IL16: variants seen among roughly 807,000 people sequenced by gnomAD.
IL16 encodes interleukin 16.
A neutral mutation model predicts 110.1 loss-of-function variants in IL16; 67 were observed. That is an observed-to-expected ratio of 0.61 (90% confidence interval 0.50 to 0.75). The LOEUF (loss-of-function observed/expected upper bound fraction) is 0.75. Among genes scored for constraint, IL16 ranks in the 30% least tolerant of loss-of-function variants. IL16 has a pLI of 0.00. For synonymous variants in IL16, 689 were observed against 662.9 expected, an observed-to-expected ratio of 1.04 and a Z score of -0.61; for missense variants, 1,545 against 1,655.0, an observed-to-expected ratio of 0.93 and a Z score of 1.15.
intron 11 of IL16, chr15:81,292,332 T>C (rs1259452105): frequency 1.6e-6 from 1 of 623,446 alleles, no homozygotes; most frequent in Non-Finnish European, 2.9e-6. Flanking sequence ...TCCATATACA[T>C]CAGTCATAGG....
At position 81,311,110 on chromosome 15, in the gene IL16, G is replaced by A. The variant is rs1466050106; in HGVS notation, c.*2312G>A. The A allele has an allele frequency of 6.6e-6, 1 of 152,208 alleles. No individual in the cohort carries two copies. The highest frequency in any genetic ancestry group is 2.4e-5 in the African/African-American group (1 of 41,444). The allele number at this position is 152,208 out of a possible 1,614,324, so 9.4% of individuals were successfully genotyped here. ...CATCCATTTGCGTTCCATGATGCTG[G>A]GATTTACACTTGAGGCTTAGCTTTG... On this transcript the variant is annotated 3_prime_UTR_variant, in exon 19 of 19. Coordinates refer to ENST00000683961, the MANE Select transcript of IL16 (RefSeq NM_172217.5).
chr15:81,294,027 C>G (rs1347171408), intron 12 of IL16, among the ~76,000 whole-genome samples: 1 of 152,208 alleles, frequency 6.6e-6, no homozygotes, highest in African/African-American at 2.4e-5. Context: ...ACGGAATGGC[C>G]CTGCAGGGGC....
At chr15:81,289,141 TTTG>T (rs1213216396) in intron 10 of IL16, among the ~76,000 whole-genome samples, 1 of 152,106 alleles carries the variant, frequency 6.6e-6, no homozygotes, top group African/African-American at 2.4e-5. Context: ...TTGCCAATAC[TTTG>T]TTATTTTCTT....
At chr15:81,242,125 A>G (rs1369741355) in intron 2 of IL16, among the ~76,000 whole-genome samples, 1 of 152,152 alleles carries the variant, frequency 6.6e-6, no homozygotes, top group African/African-American at 2.4e-5. Context: ...AATATCACAC[A>G]GTGCTGAATT....
At chr15:81,279,026 C>T in intron 7 of IL16, 136 bp downstream of exon 7, 1 of 678,326 alleles carries the variant, frequency 1.5e-6, no homozygotes, top group South Asian at 1.7e-5. Flanking sequence ...GATCTTGGCG[C>T]AGGGTTAAAA....
At chr15:81,291,954 G>A (rs1567040043) in intron 11 of IL16, 1 of 455,984 alleles carries the variant, frequency 2.2e-6, no homozygotes, top group Non-Finnish European at 4.4e-6. Context: ...CCCCCAGGAA[G>A]CTGACTCTGA....
intron 1 of IL16, among the ~76,000 whole-genome samples, chr15:81,200,697 AAT>A (rs1895778093): frequency 1.3e-5 from 2 of 152,166 alleles, no homozygotes; most frequent in African/African-American, 4.8e-5. Context: ...AAGTTTCATA[AAT>A]AGTCCTGTAG....
chr15:81,273,928 C>T (rs776822349), intron 6 of IL16, among the ~76,000 whole-genome samples: 1 of 151,954 alleles, frequency 6.6e-6, no homozygotes, highest in Non-Finnish European at 1.5e-5. Flanking sequence ...GGGTTCCCCC[C>T]ACCCCCACCT....
intron 4 of IL16, 84 bp downstream of exon 4, chr15:81,265,885 C>A (rs148220843): frequency 1.5e-6 from 2 of 1,327,894 alleles, no homozygotes; most frequent in Non-Finnish European, 2.1e-6. Context: ...GCTGAAGAGG[C>A]CTTCCCAGTA....
intron 2 of IL16, among the ~76,000 whole-genome samples, chr15:81,228,467 C>A (rs1287277516): frequency 6.6e-6 from 1 of 151,962 alleles, no homozygotes; most frequent in Non-Finnish European, 1.5e-5. Flanking sequence ...ATTACAGGAG[C>A]CTGCCACTAC....
intron 3 of IL16, among the ~76,000 whole-genome samples, chr15:81,262,513 AT>A (rs1412895616): frequency 6.6e-6 from 1 of 152,062 alleles, no homozygotes; most frequent in African/African-American, 2.4e-5. Context: ...TGAATAGAGA[AT>A]TATTCTAGCA....
At chr15:81,293,176 C>T in intron 12 of IL16, 139 bp downstream of exon 12, 1 of 931,486 alleles carries the variant, frequency 1.1e-6, no homozygotes, top group South Asian at 1.7e-5. Flanking sequence ...TTGCCTAGGA[C>T]TCAGCTGAGG....
intron 1 of IL16, among the ~76,000 whole-genome samples, chr15:81,184,318 G>A (rs1425132458): frequency 1.3e-5 from 2 of 152,190 alleles, no homozygotes; most frequent in East Asian, 1.9e-4. Context: ...AGAGATTTGC[G>A]CATAGGAAGT....
At position 81,275,356 on chromosome 15, in the gene IL16, AG is replaced by A. The variant is rs1172897044; in HGVS notation, c.790+2154del. ...GAAGTTACCAAGCAGTTGACGGGGG[AG>A]GAGGGGGGGGAGGGGAGGGGAGGGG... On this transcript the variant is annotated intron_variant, in intron 6 of 18. Coordinates refer to ENST00000683961, the MANE Select transcript of IL16 (RefSeq NM_172217.5). Among the ~76,000 whole-genome samples, 6 of 19,264 alleles carry A rather than the reference AG, an allele frequency of 3.1e-4. No individual in the cohort carries two copies. The East Asian group carries it at 0.011, about 36-fold the overall frequency. 12.6% of individuals were successfully genotyped at this position (19,264 alleles called of 152,430 possible). A position where few individuals can be genotyped will look rare whatever the true frequency, so the allele number is the denominator to read the frequency against.
At chr15:81,190,827 G>T (rs1362287199) in intron 1 of IL16, among the ~76,000 whole-genome samples, 1 of 152,198 alleles carries the variant, frequency 6.6e-6, no homozygotes, top group East Asian at 1.9e-4. Flanking sequence ...CAGACCCAGG[G>T]TTTATATATC....
chr15:81,306,583 T>C, intron 18 of IL16, 38 bp downstream of exon 18: 1 of 1,605,992 alleles, frequency 6.2e-7, no homozygotes, highest in Non-Finnish European at 8.5e-7. Context: ...GCTCTCCAGT[T>C]GTGGGCATGT....
chr15:81,266,085 G>C (rs909862837), intron 4 of IL16, among the ~76,000 whole-genome samples: 6 of 152,218 alleles, frequency 3.9e-5, no homozygotes, highest in African/African-American at 1.4e-4. Context: ...GCACGCGGGG[G>C]GACCCTGAAC....
chr15:81,267,578 C>G (rs1898448589), intron 4 of IL16, among the ~76,000 whole-genome samples: 1 of 151,900 alleles, frequency 6.6e-6, no homozygotes, highest in Non-Finnish European at 1.5e-5. Flanking sequence ...GTTCCAAGAT[C>G]TTTAGCATGA....
chr15:81,216,451 C>T (rs992147356), intron 1 of IL16, among the ~76,000 whole-genome samples: 1 of 152,204 alleles, frequency 6.6e-6, no homozygotes, highest in Non-Finnish European at 1.5e-5. Flanking sequence ...GCCTCAGCTT[C>T]AGCATCACTT....
Sources: allele counts gnomAD v4.1 joint callset (sites outside exome capture counted in the v4.1 genomes callset), GRCh38; gene constraint gnomAD v4.1.1; transcripts MANE v1.5; gene names NCBI Gene and HGNC (gene_info 2026-07-23, HGNC 2026-07-21).